Variants in ATP6V1H observed in about 807,000 individuals in gnomAD.
ATP6V1H encodes V-type proton ATPase subunit H.
ATP6V1H carries 39 observed loss-of-function variants against 71.7 expected under a neutral mutation model. That is an observed-to-expected ratio of 0.54 (90% CI 0.42 to 0.71). The LOEUF is 0.71. Ranked by LOEUF, ATP6V1H falls within the 30% of genes least tolerant of loss-of-function variation. ATP6V1H has a pLI of 0.00. For missense variants in ATP6V1H, 509 were observed against 594.9 expected, an observed-to-expected ratio of 0.86 and a Z score of 1.50; for synonymous variants, 192 against 199.3, an observed-to-expected ratio of 0.96 and a Z score of 0.31.
intron 9 of ATP6V1H, among the ~76,000 whole-genome samples, chr8:53,784,809 C>A (rs1809309238): frequency 6.6e-6 from 1 of 152,154 alleles, no homozygotes; most frequent in Non-Finnish European, 1.5e-5. Flanking sequence ...CTTAGTTTGG[C>A]TGGATATGAA....
intron 2 of ATP6V1H, 162 bp from the exon 3 acceptor site, chr8:53,833,248 C>CACAAATAAG (rs1811065521): frequency 3.5e-6 from 2 of 576,830 alleles, no homozygotes; most frequent in Non-Finnish European, 3.1e-6. Context: ...TTAGTTTCTC[C>CACAAATAAG]ACAAATAAGA....
intron 2 of ATP6V1H, among the ~76,000 whole-genome samples, chr8:53,835,343 A>G (rs1020594576): frequency 2.6e-5 from 4 of 152,184 alleles, no homozygotes; most frequent in African/African-American, 9.7e-5. Flanking sequence ...TCAAGCAAAG[A>G]ACCCAGGACA....
chr8:53,721,989 G>A (rs565260680), intron 13 of ATP6V1H, among the ~76,000 whole-genome samples: 46 of 152,294 alleles, frequency 3.0e-4, no homozygotes, highest in Non-Finnish European at 1.2e-4. Flanking sequence ...AAACAAAAAT[G>A]TACATTTTAA....
At chr8:53,841,335 C>T (rs1194074964) in intron 2 of ATP6V1H, among the ~76,000 whole-genome samples, 1 of 152,178 alleles carries the variant, frequency 6.6e-6, no homozygotes, top group East Asian at 1.9e-4. Context: ...TCCAAAAGTA[C>T]TTCCCCAGGC....
At chr8:53,814,327 G>A (rs1327825400) in intron 6 of ATP6V1H, among the ~76,000 whole-genome samples, 1 of 152,026 alleles carries the variant, frequency 6.6e-6, no homozygotes. Flanking sequence ...AGCCTCACAC[G>A]CACGTGCTCT....
intron 9 of ATP6V1H, among the ~76,000 whole-genome samples, chr8:53,776,257 C>T (rs1201067178): frequency 6.6e-6 from 1 of 152,192 alleles, no homozygotes; most frequent in African/African-American, 2.4e-5. Context: ...CGCACGCAGC[C>T]CTAGTTCCCG....
chr8:53,805,021 T>C (rs1184728232), intron 7 of ATP6V1H, among the ~76,000 whole-genome samples: 2 of 152,160 alleles, frequency 1.3e-5, no homozygotes, highest in Non-Finnish European at 2.9e-5. Context: ...AATTCAGTAA[T>C]TGAGGAACTG....
At position 53,769,759 on chromosome 8, in the gene ATP6V1H, A is replaced by C; in HGVS notation, c.1050-16T>G. ...ATCAAATGAACTATAAAAATGTTCA[A>C]AAGAATTCAAGGTTTATAAGAATCT... On this transcript the variant is annotated splice_polypyrimidine_tract_variant and intron_variant, in intron 10 of 13. Coordinates refer to ENST00000359530, the MANE Select transcript of ATP6V1H (RefSeq NM_015941.4). 1.3e-6 allele frequency: 2 copies of C among 1,587,912 alleles called. No individual in the cohort carries two copies. The highest frequency in any genetic ancestry group is 1.7e-6 in the Non-Finnish European group (2 of 1,168,244).
chr8:53,769,936 G>A (rs1203501713), intron 10 of ATP6V1H, among the ~76,000 whole-genome samples, 193 bp from the exon 11 acceptor site: 1 of 152,078 alleles, frequency 6.6e-6, no homozygotes, highest in Non-Finnish European at 1.5e-5. Flanking sequence ...TTTATTCAGT[G>A]TAGTAAGGTC....
intron 9 of ATP6V1H, 131 bp downstream of exon 9, chr8:53,795,512 CTCTA>C: frequency 5.2e-6 from 4 of 762,850 alleles, no homozygotes; most frequent in Non-Finnish European, 8.6e-6. Context: ...TGATATTTTA[CTCTA>C]TATTCACCAA....
At chr8:53,772,903 CAAAAAAA>C (rs201949406) in intron 9 of ATP6V1H, among the ~76,000 whole-genome samples, 2 of 59,410 alleles carry the variant, frequency 3.4e-5, no homozygotes, top group Non-Finnish European at 7.5e-5. Context: ...CTATCAAATG[CAAAAAAA>C]AAAAAAAAAA....
chr8:53,830,055 C>T (rs1000456571), intron 3 of ATP6V1H, among the ~76,000 whole-genome samples: 4 of 152,118 alleles, frequency 2.6e-5, no homozygotes, highest in Admixed American at 2.6e-4. Context: ...AGAATCAGAC[C>T]AATTTGTATA....
chr8:53,787,267 C>T (rs747513288), intron 9 of ATP6V1H, among the ~76,000 whole-genome samples: 19 of 152,186 alleles, frequency 1.2e-4, no homozygotes, highest in African/African-American at 3.4e-4. Flanking sequence ...TAGGCAAAGA[C>T]GTTGAGGCAG....
chr8:53,803,810 A>C (rs191623279), intron 7 of ATP6V1H, among the ~76,000 whole-genome samples: 1 of 152,358 alleles, frequency 6.6e-6, no homozygotes, highest in East Asian at 1.9e-4. Flanking sequence ...ATCAGGTAGA[A>C]ACTTTTTCTA....
At chr8:53,771,064 T>A (rs1291947825) in intron 10 of ATP6V1H, among the ~76,000 whole-genome samples, 2 of 152,240 alleles carry the variant, frequency 1.3e-5, no homozygotes, top group African/African-American at 4.8e-5. Flanking sequence ...AATACATTTC[T>A]GGAGCACATA....
chr8:53,774,383 C>T (rs1808788586), intron 9 of ATP6V1H, among the ~76,000 whole-genome samples: 1 of 152,162 alleles, frequency 6.6e-6, no homozygotes, highest in African/African-American at 2.4e-5. Flanking sequence ...GTATTCATTT[C>T]AGAGAGAGAG....
chr8:53,734,996 AGTT>A (rs544522637), intron 13 of ATP6V1H, among the ~76,000 whole-genome samples: 280 of 152,342 alleles, frequency 1.8e-3, no homozygotes, highest in African/African-American at 6.3e-3. Flanking sequence ...TCACTTAAAA[AGTT>A]GTTAGGCCAG....
intron 13 of ATP6V1H, among the ~76,000 whole-genome samples, chr8:53,735,599 C>A (rs544512376): frequency 1.1e-4 from 17 of 152,152 alleles, no homozygotes; most frequent in African/African-American, 4.1e-4. Flanking sequence ...CAGTCGGCCA[C>A]CCCGCAAATC....
chr8:53,727,543 T>G (rs985641870), intron 13 of ATP6V1H, among the ~76,000 whole-genome samples: 1 of 152,168 alleles, frequency 6.6e-6, no homozygotes, highest in Non-Finnish European at 1.5e-5. Context: ...GAGACTCCTG[T>G]GGAAAGCATG....
Sources: allele counts gnomAD v4.1 joint callset (sites outside exome capture counted in the v4.1 genomes callset), GRCh38; gene constraint gnomAD v4.1.1; transcripts MANE v1.5; gene names NCBI Gene and HGNC (gene_info 2026-07-23, HGNC 2026-07-21).